The following NTN1 variants were observed in gnomAD, a reference collection of about 807,000 sequenced individuals.
NTN1 encodes netrin-1.
A neutral mutation model predicts 54.2 loss-of-function variants in NTN1; 11 were observed. The ratio of observed to expected loss-of-function variants is 0.20; its 90% CI spans 0.13 to 0.34. The LOEUF (loss-of-function observed/expected upper bound fraction) is 0.34. Among genes scored for constraint, NTN1 ranks in the 10% least tolerant of loss-of-function variants. NTN1 has a pLI of 1.00. For missense variants in NTN1, 740 were observed against 893.1 expected, an observed-to-expected ratio of 0.83 and a Z score of 2.18; for synonymous variants, 371 against 382.0, an observed-to-expected ratio of 0.97 and a Z score of 0.33.
intron 5 of NTN1, among the ~76,000 whole-genome samples, chr17:9,198,682 A>G (rs1479452832): frequency 6.6e-6 from 1 of 152,156 alleles, no homozygotes; most frequent in Admixed American, 6.5e-5. Context: ...TCTTACTGAT[A>G]TCTCTCACAT....
At chr17:9,061,432 G>A (rs1045511069) in intron 2 of NTN1, among the ~76,000 whole-genome samples, 1 of 152,172 alleles carries the variant, frequency 6.6e-6, no homozygotes, top group Non-Finnish European at 1.5e-5. Flanking sequence ...AGGAGATGGA[G>A]CAGAGACCGG....
rs771597980 is a variant in NTN1 at position 9,162,762 on chromosome 17, T to C, written c.1019-51T>C. 5 of 1,542,058 alleles carry C rather than the reference T, an allele frequency of 3.2e-6. No homozygotes were observed. In the South Asian group the frequency reaches 4.8e-5, roughly 15 times the overall value. On this transcript the variant is annotated intron_variant, in intron 2 of 6. Transcript: ENST00000173229. ...GTTTCTTTTGACGCTCTTGGGTGCC[T>C]GTCCTCCCCGCGCCCCTGCGGCTGA... is the stretch of plus-strand genomic sequence containing the variant.
At chr17:9,038,513 G>A (rs889250495) in intron 2 of NTN1, among the ~76,000 whole-genome samples, 16 of 152,148 alleles carry the variant, frequency 1.1e-4, no homozygotes, top group African/African-American at 3.9e-4. Flanking sequence ...AAAGAAAGCA[G>A]GGGTCCCATT....
At chr17:9,159,835 A>G (rs956496115) in intron 2 of NTN1, among the ~76,000 whole-genome samples, 1 of 152,148 alleles carries the variant, frequency 6.6e-6, no homozygotes, top group African/African-American at 2.4e-5. Flanking sequence ...ATAAAAATAT[A>G]AAAACATGTA....
At chr17:9,226,515 G>GGCGGTCTC (rs1905565751) in intron 6 of NTN1, among the ~76,000 whole-genome samples, 2 of 34,454 alleles carry the variant, frequency 5.8e-5, no homozygotes, top group Non-Finnish European at 8.8e-5. Flanking sequence ...CTCGTGGGGA[G>GGCGGTCTC]GTGGTCTCGT....
chr17:9,080,967 G>A (rs1567705630), intron 2 of NTN1, among the ~76,000 whole-genome samples: 1 of 152,154 alleles, frequency 6.6e-6, no homozygotes, highest in Non-Finnish European at 1.5e-5. Flanking sequence ...ACCGGCAAAT[G>A]TGTTTCCCTG....
rs2142346899 is a variant in NTN1 at position 9,211,376 on chromosome 17, C to T, written c.1412-9792C>T. Among the ~76,000 whole-genome samples the T allele has an allele frequency of 6.6e-6, 1 of 152,280 alleles. No homozygotes were observed. Among genetic ancestry groups the T allele is most frequent in the East Asian group, 1.9e-4 (1 of 5,174 alleles). ...TGCCCCCTGCCCCCACGCATTCCCT[C>T]CCAGTGTGCTCGGCTCACTGTCATC... On this transcript the variant is annotated intron_variant, in intron 5 of 6. Coordinates refer to ENST00000173229, the MANE Select transcript of NTN1 (RefSeq NM_004822.3). The surrounding 1 kb of genome is among the most constrained non-coding windows in gnomAD (Gnocchi z 4.4).
chr17:9,037,612 G>A (rs1008197688), intron 2 of NTN1, among the ~76,000 whole-genome samples: 6 of 152,052 alleles, frequency 3.9e-5, no homozygotes, highest in African/African-American at 1.4e-4. Flanking sequence ...ACCTTCCCAG[G>A]CCTGGGGTTT....
chr17:9,164,838 G>A (rs1008026868), intron 3 of NTN1, among the ~76,000 whole-genome samples: 1 of 152,198 alleles, frequency 6.6e-6, no homozygotes, highest in Non-Finnish European at 1.5e-5. Context: ...CCAGAAGACT[G>A]AGCAGAGAAT....
intron 5 of NTN1, among the ~76,000 whole-genome samples, chr17:9,207,960 G>A (rs557639511): frequency 5.9e-5 from 9 of 152,354 alleles, no homozygotes; most frequent in African/African-American, 2.2e-4. Flanking sequence ...CCAGCTGGGT[G>A]CAGTGGCTCA....
intron 2 of NTN1, 131 bp from the exon 3 acceptor site, chr17:9,162,682 C>G: frequency 2.4e-6 from 2 of 823,480 alleles, no homozygotes; most frequent in Non-Finnish European, 3.9e-6. Flanking sequence ...GCTCCTGGAG[C>G]ACAAGTCTGC....
At chr17:9,166,357 T>TTTA in intron 3 of NTN1, among the ~76,000 whole-genome samples, 1 of 149,386 alleles carries the variant, frequency 6.7e-6, no homozygotes, top group South Asian at 2.2e-4. Context: ...TTTTTTTTTT[T>TTTA]TTGAGATGGA....
intron 2 of NTN1, among the ~76,000 whole-genome samples, chr17:9,153,785 G>A (rs935019154): frequency 7.2e-5 from 11 of 152,112 alleles, no homozygotes; most frequent in Non-Finnish European, 1.2e-4. Flanking sequence ...GTGGCATCTC[G>A]AAGTGCCACA....
intron 5 of NTN1, among the ~76,000 whole-genome samples, chr17:9,192,971 G>C (rs145425787): frequency 1.3e-5 from 2 of 151,266 alleles, no homozygotes; most frequent in African/African-American, 4.9e-5. Flanking sequence ...TCCCAGCTAC[G>C]CAGGAGGCTG....
rs145459247 is a variant in NTN1 at position 9,079,704 on chromosome 17, G to A, written c.1018+56313G>A. On this transcript the variant is annotated intron_variant, in intron 2 of 6. Coordinates refer to ENST00000173229, the MANE Select transcript of NTN1 (RefSeq NM_004822.3). ...TGTTTCCTGGTTCCCCCTGGGAAGTGGTTCCTCAGCGGGCCTGTTTCCTGG... is the reference window on the plus strand; with the variant it reads ...TGTTTCCTGGTTCCCCCTGGGAAGTAGTTCCTCAGCGGGCCTGTTTCCTGG... Among the ~76,000 whole-genome samples the A allele has an allele frequency of 1.5e-3, 226 of 151,820 alleles. 3 individuals carry two copies. In the East Asian group the frequency reaches 0.029, roughly 20 times the overall value.
chr17:9,098,886 T>C (rs2092140414), intron 2 of NTN1, among the ~76,000 whole-genome samples: 1 of 152,256 alleles, frequency 6.6e-6, no homozygotes, highest in Non-Finnish European at 1.5e-5. Context: ...TAAGAAAATA[T>C]AGAAAAATAG....
chr17:9,081,995 G>A (rs980601447), intron 2 of NTN1, among the ~76,000 whole-genome samples: 1 of 152,126 alleles, frequency 6.6e-6, no homozygotes, highest in Non-Finnish European at 1.5e-5. Context: ...GTCTGCAGTT[G>A]GTTTCATGAA....
At chr17:9,234,290 T>A (rs1452294400) in intron 6 of NTN1, among the ~76,000 whole-genome samples, 1 of 152,202 alleles carries the variant, frequency 6.6e-6, no homozygotes, top group Non-Finnish European at 1.5e-5. Flanking sequence ...GGAGGGCTGC[T>A]GCTGCCCCAC....
intron 2 of NTN1, among the ~76,000 whole-genome samples, chr17:9,041,737 G>A (rs777425027): frequency 2.6e-5 from 4 of 152,202 alleles, no homozygotes; most frequent in African/African-American, 4.8e-5. Context: ...ATCCAGGTGC[G>A]GTGGCTCATG....
Sources: allele counts gnomAD v4.1 joint callset (sites outside exome capture counted in the v4.1 genomes callset), GRCh38; gene constraint gnomAD v4.1.1; non-coding constraint Gnocchi (gnomAD v3.1); transcripts MANE v1.5; gene names NCBI Gene and HGNC (gene_info 2026-07-23, HGNC 2026-07-21).